The following PCDHGB2 variants were observed in gnomAD, a reference collection of about 807,000 sequenced individuals.
The protein encoded by PCDHGB2 is protocadherin gamma subfamily B, 2.
PCDHGB2 carries 55 observed loss-of-function variants against 59.3 expected under a neutral mutation model. The observed-to-expected ratio is 0.93, with a 90% CI of 0.75 to 1.16. The LOEUF (loss-of-function observed/expected upper bound fraction) is 1.16, where lower values mean the gene tolerates loss of function less well. Ranked by LOEUF, PCDHGB2 falls within the 50% of genes most tolerant of loss-of-function variation. PCDHGB2 has a pLI of 0.00. For synonymous variants in PCDHGB2, 516 were observed against 512.0 expected (o/e 1.01, Z -0.11); for missense variants, 1,228 against 1,198.5 (o/e 1.02, Z -0.36).
Position 141,431,996 on chromosome 5 carries a change from G to A in PCDHGB2, c.2422-62811G>A, listed in dbSNP as rs766891220. ...AGTCACAGACATAGTCTTGGATAGGGAACAGGTTCCTAGCTACAACATCAC... is the reference window on the plus strand; with the variant it reads ...AGTCACAGACATAGTCTTGGATAGGAAACAGGTTCCTAGCTACAACATCAC... On this transcript the variant is annotated intron_variant, in intron 1 of 3. Transcript: ENST00000522605. The surrounding 1 kb of genome is among the most constrained non-coding windows in gnomAD (Gnocchi z 4.8). 1.9e-6 allele frequency: 3 copies of A among 1,614,192 alleles called. No homozygotes were observed. In the East Asian group the frequency reaches 6.7e-5, roughly 36 times the overall value.
chr5:141,393,500 C>T lies in PCDHGB2; in HGVS notation c.2421+30944C>T, dbSNP rs747121608. 6.2e-6 allele frequency: 10 copies of T among 1,613,922 alleles called. No homozygotes were observed. In the African/African-American group the frequency reaches 6.7e-5, roughly 11 times the overall value. On this transcript the variant is annotated intron_variant, in intron 1 of 3. Coordinates refer to ENST00000522605, the MANE Select transcript of PCDHGB2 (RefSeq NM_018923.3). The stretch of plus-strand genomic sequence containing the variant: ...CTCGCTCTAGCACAGTGCGCATCCA[C>T]GTGACAGTGTTGGATACAAATGACA...
In PCDHGB2 at chr5:141,430,383, GAA is replaced by G. The variant is rs139772145; in HGVS notation, c.2422-64412_2422-64411del. Among the ~76,000 whole-genome samples the G allele has an allele frequency of 1.3e-3, 180 of 138,574 alleles. 1 individual carries two copies. Among genetic ancestry groups the G allele is most frequent in the African/African-American group, 4.5e-3 (169 of 37,858 alleles). 90.9% of individuals were successfully genotyped at this position (138,574 alleles called of 152,430 possible). A position where few individuals can be genotyped will look rare whatever the true frequency, so the allele number is the denominator to read the frequency against. On this transcript the variant is annotated intron_variant, in intron 1 of 3. Coordinates refer to ENST00000522605, the MANE Select transcript of PCDHGB2 (RefSeq NM_018923.3). ...CATTGGGGAAAAAAAAGCTCATTGG[GAA>G]AAAAAAAAAAAGCTCACTAAAGTTT...
In PCDHGB2 at chr5:141,385,275, A is replaced by G. The variant is rs115152670; in HGVS notation, c.2421+22719A>G. The G allele has an allele frequency of 1.9e-3, 3,011 of 1,613,598 alleles. 48 individuals carry two copies. In the African/African-American group the frequency reaches 0.033, roughly 18 times the overall value. On this transcript the variant is annotated intron_variant, in intron 1 of 3. Coordinates refer to ENST00000522605, the MANE Select transcript of PCDHGB2 (RefSeq NM_018923.3). ...GCTGTGAGAAAAATGATTCTTTGCTAACATCCGTAGATTTTCAGGAATGTA... is the reference window on the plus strand; with the variant it reads ...GCTGTGAGAAAAATGATTCTTTGCTGACATCCGTAGATTTTCAGGAATGTA...
chr5:141,469,296 A>T (rs2099196287), intron 1 of PCDHGB2, among the ~76,000 whole-genome samples: 1 of 149,742 alleles, frequency 6.7e-6, no homozygotes, highest in Non-Finnish European at 1.5e-5. Context: ...AACAAAATAG[A>T]CTGGGCACGA....
Position 141,493,891 on chromosome 5 carries a change from G to A in PCDHGB2, c.2422-916G>A, listed in dbSNP as rs1595204910. On this transcript the variant is annotated intron_variant, in intron 1 of 3. Transcript: ENST00000522605. The surrounding 1 kb of genome is among the most constrained non-coding windows in gnomAD (Gnocchi z 4.3). ...CCAGTGAGGAGGTGGCTCTAGGAGT[G>A]CTCCATGAGAGTGTGTGATGGGATA... Among the ~76,000 whole-genome samples, 1 of 152,300 alleles carries A rather than the reference G, an allele frequency of 6.6e-6. No homozygotes were observed. The highest frequency in any genetic ancestry group is 1.5e-5 in the Non-Finnish European group (1 of 68,018).
At chr5:141,385,096 G>C (rs746092295) in intron 1 of PCDHGB2, 2 of 1,614,072 alleles carry the variant, frequency 1.2e-6, no homozygotes, top group South Asian at 2.2e-5. Context: ...AGGTGGCTTG[G>C]CGAACGTGCC....
intron 2 of PCDHGB2, among the ~76,000 whole-genome samples, chr5:141,498,352 CA>C: frequency 6.6e-6 from 1 of 151,890 alleles, no homozygotes; most frequent in African/African-American, 2.4e-5. Flanking sequence ...AAAGCCTATG[CA>C]AAAGCCTTGT....
chr5:141,411,910 C>T (rs1248743908), intron 1 of PCDHGB2: 2 of 152,164 alleles, frequency 1.3e-5, no homozygotes, highest in East Asian at 1.9e-4. Context: ...TGCCTTTGCA[C>T]TCAGTCTCTG....
At chr5:141,473,131 A>G (rs1262205483) in intron 1 of PCDHGB2, among the ~76,000 whole-genome samples, 2 of 152,214 alleles carry the variant, frequency 1.3e-5, no homozygotes, top group Admixed American at 6.5e-5. Context: ...TTGGCAAACT[A>G]TATTATCTCT....
rs1446432461 is a variant in PCDHGB2, at chr5:141,511,005, C to G, written c.2628C>G (p.Ala876=). 6.2e-7 allele frequency: 1 copy of G among 1,614,176 alleles called. No individual in the cohort carries two copies. Among genetic ancestry groups the G allele is most frequent in the Middle Eastern group, 1.6e-4 (1 of 6,062 alleles). ...GGGAGTMGLS[A]RYGPQFTLQH... is the part of the protein sequence containing the mutation. ...GTGCCGGCACCATGGGATTGAGCGC[C>G]CGCTACGGACCCCAGTTCACCCTGC... Residue 876 remains alanine, a synonymous_variant, in exon 4 of 4, where the codon GCC becomes GCG. Coordinates refer to ENST00000522605, the MANE Select transcript of PCDHGB2 (RefSeq NM_018923.3).
rs1588550793 is a variant in PCDHGB2 at position 141,360,456 on chromosome 5, T to A, written c.321T>A (p.Asp107Glu). 6.2e-7 allele frequency: 1 copy of A among 1,613,990 alleles called. No homozygotes were observed. The highest frequency in any genetic ancestry group is 8.5e-7 in the Non-Finnish European group (1 of 1,179,872). Residue 107 changes from aspartate (D) to glutamate (E), a missense_variant, in exon 1 of 4, where the codon GAT (aspartate) becomes GAA (glutamate). Coordinates refer to ENST00000522605, the MANE Select transcript of PCDHGB2 (RefSeq NM_018923.3). ...GKQPLCVLDF[D>E]TVAENPLNIF... ...AGCCTCTGTGTGTTCTGGATTTCGA[T>A]ACTGTCGCTGAAAATCCACTAAATA...
Position 141,487,243 on chromosome 5 carries a change from C to T in PCDHGB2, c.2422-7564C>T. 1 of 1,614,114 alleles carries T rather than the reference C, an allele frequency of 6.2e-7. No individual in the cohort carries two copies. The highest frequency in any genetic ancestry group is 8.5e-7 in the Non-Finnish European group (1 of 1,180,000). Reference sequence around the variant, plus strand: ...CAAGGGAAGGAGAATCTCGTCTAACCCTCTACTTGGCTGTGTCCCTAGTGG... The same window carrying T: ...CAAGGGAAGGAGAATCTCGTCTAACTCTCTACTTGGCTGTGTCCCTAGTGG... On this transcript the variant is annotated intron_variant, in intron 1 of 3. Coordinates refer to ENST00000522605, the MANE Select transcript of PCDHGB2 (RefSeq NM_018923.3). The surrounding 1 kb of genome is among the most constrained non-coding windows in gnomAD (Gnocchi z 5.0).
At chr5:141,373,509 C>G (rs1444734450) in intron 1 of PCDHGB2, among the ~76,000 whole-genome samples, 1 of 152,152 alleles carries the variant, frequency 6.6e-6, no homozygotes, top group East Asian at 1.9e-4. Flanking sequence ...GGAGACAGAG[C>G]GAGACTTTGT....
At chr5:141,393,370 A>G (rs2092740114) in intron 1 of PCDHGB2, 5 of 1,613,954 alleles carry the variant, frequency 3.1e-6, no homozygotes, top group Non-Finnish European at 2.5e-6. Context: ...CAGACTGGAG[A>G]CAATGGAGCC....
intron 1 of PCDHGB2, chr5:141,399,170 T>C (rs1159402714): frequency 6.2e-7 from 1 of 1,613,798 alleles, no homozygotes. Flanking sequence ...TTCCATTCTC[T>C]ACTTGAAATG....
At chr5:141,368,326 T>C (rs1444418576) in intron 1 of PCDHGB2, among the ~76,000 whole-genome samples, 2 of 152,122 alleles carry the variant, frequency 1.3e-5, no homozygotes, top group Non-Finnish European at 2.9e-5. Context: ...TTCAAGTATA[T>C]CTATATCTAT....
At chr5:141,365,867 G>A in intron 1 of PCDHGB2, 2 of 1,614,096 alleles carry the variant, frequency 1.2e-6, no homozygotes, top group Non-Finnish European at 1.7e-6. Flanking sequence ...TGACACCGGT[G>A]TCCTGTATGC....
Position 141,388,496 on chromosome 5 carries a change from G to C in PCDHGB2, c.2421+25940G>C. The stretch of plus-strand genomic sequence containing the variant: ...TGAAGACACCTTTGGACAGAGAAAA[G>C]CAGAAATCCTACCACTTGACTTTGA... On this transcript the variant is annotated intron_variant, in intron 1 of 3. Coordinates refer to ENST00000522605, the MANE Select transcript of PCDHGB2 (RefSeq NM_018923.3). 1 of 1,613,828 alleles carries C rather than the reference G, an allele frequency of 6.2e-7. No individual in the cohort carries two copies. Among genetic ancestry groups the C allele is most frequent in the Admixed American group, 1.7e-5 (1 of 60,022 alleles).
intron 1 of PCDHGB2, chr5:141,372,736 T>C (rs1303541912): frequency 1.9e-6 from 3 of 1,613,276 alleles, no homozygotes; most frequent in African/African-American, 2.7e-5. Context: ...CAAGATCTTC[T>C]ATGTGATGAA....
Sources: gnomAD v4.1 joint callset for allele counts (sites outside exome capture counted in the v4.1 genomes callset) on GRCh38, gnomAD v4.1.1 for gene constraint, Gnocchi (gnomAD v3.1) non-coding constraint, MANE v1.5 for transcripts, NCBI Gene and HGNC (gene_info 2026-07-23, HGNC 2026-07-21) for gene names.